The following BRMS1 variants were observed in gnomAD, a reference collection of about 807,000 sequenced individuals.
BRMS1 encodes the protein BRMS1 transcriptional repressor and anoikis regulator.
In BRMS1, 26 loss-of-function variants were observed where a neutral mutation model predicts 40.4. The observed-to-expected ratio is 0.64, with a 90% CI of 0.47 to 0.89. The LOEUF (loss-of-function observed/expected upper bound fraction) is 0.89, where lower values mean the gene tolerates loss of function less well. Ranked by LOEUF, BRMS1 falls within the 40% of genes least tolerant of loss-of-function variation. BRMS1 has a pLI of 0.00. For missense variants in BRMS1, 289 were observed against 309.4 expected, an observed-to-expected ratio of 0.93 and a Z score of 0.49; for synonymous variants, 103 against 116.0, an observed-to-expected ratio of 0.89 and a Z score of 0.72.
At chr11:66,343,849 C>G (rs1180576388) in intron 1 of BRMS1, among the ~76,000 whole-genome samples, 2 of 66,604 alleles carry the variant, frequency 3.0e-5, no homozygotes, top group African/African-American at 1.0e-4. Flanking sequence ...AGGCAAAACC[C>G]GAAGTGGTGG....
Position 66,340,155 on chromosome 11 carries a change from C to T in BRMS1, c.594G>A (p.Pro198=), listed in dbSNP as rs754919650. ...GAGGTGCCTTCTTCCTCTTGCTGGG[C>T]GGCAGGGAGTCCCAAGACCTGGAGC... ...RGSSRSWDSL[P]PSKRKKAPLV... is the part of the protein sequence containing the mutation. The change falls in exon 7 of 10, where the codon CCG becomes CCA. Residue 198 remains proline, a synonymous_variant. Coordinates refer to ENST00000359957, the MANE Select transcript of BRMS1 (RefSeq NM_015399.4). The T allele has an allele frequency of 6.2e-6, 10 of 1,613,574 alleles. No homozygotes were observed. Among genetic ancestry groups the T allele is most frequent in the African/African-American group, 4.0e-5 (3 of 74,786 alleles).
chr11:66,341,410 C>A lies in BRMS1; in HGVS notation c.231-77G>T. ...GGCAAACACATACCCAGCACCCATT[C>A]CACAGCAAGCCCGGTGTTAGGCGCG... On this transcript the variant is annotated intron_variant, in intron 3 of 9. Coordinates refer to ENST00000359957, the MANE Select transcript of BRMS1 (RefSeq NM_015399.4). The surrounding 1 kb of genome is among the most constrained non-coding windows in gnomAD (Gnocchi z 4.9). 1 of 1,602,998 alleles carries A rather than the reference C, an allele frequency of 6.2e-7. No individual in the cohort carries two copies. The highest frequency in any genetic ancestry group is 1.3e-5 in the African/African-American group (1 of 74,848).
Position 66,341,869 on chromosome 11 carries a change from G to T in BRMS1, c.139+227C>A. The T allele has an allele frequency of 1.5e-6, 1 of 661,380 alleles. No homozygotes were observed. Among genetic ancestry groups the T allele is most frequent in the Non-Finnish European group, 2.7e-6 (1 of 374,170 alleles). 41.0% of individuals were successfully genotyped at this position (661,380 alleles called of 1,614,324 possible). A position where few individuals can be genotyped will look rare whatever the true frequency, so the allele number is the denominator to read the frequency against. On this transcript the variant is annotated intron_variant, in intron 2 of 9. Transcript: ENST00000359957. The surrounding 1 kb of genome is among the most constrained non-coding windows in gnomAD (Gnocchi z 4.9). ...TGTGCACGTGTACTTGTGTGAAGGG[G>T]CTGTGTGTGTGCATACGTGCTTGTG...
intron 1 of BRMS1, among the ~76,000 whole-genome samples, chr11:66,343,274 C>T (rs1192517127): frequency 6.6e-6 from 1 of 152,226 alleles, no homozygotes; most frequent in Non-Finnish European, 1.5e-5. Context: ...CAATATTTTT[C>T]AGTGCTTATT....
At position 66,344,813 on chromosome 11, in the gene BRMS1, A is replaced by T. The variant is rs1855166600; in HGVS notation, c.-8+159T>A. 1.3e-5 allele frequency: 2 copies of T among 152,294 alleles called. 1 individual carries two copies. The highest frequency in any genetic ancestry group is 1.3e-4 in the Admixed American group (2 of 15,288). The allele number at this position is 152,294 out of a possible 1,614,324, so 9.4% of individuals were successfully genotyped here. Reference sequence around the variant, plus strand: ...CCCAGGGGGCCTCCCGCTCCCTTCTAGATGCGCCGGAGCGGGCCGGAATAT... The same window carrying T: ...CCCAGGGGGCCTCCCGCTCCCTTCTTGATGCGCCGGAGCGGGCCGGAATAT... On this transcript the variant is annotated intron_variant, in intron 1 of 9. Transcript: ENST00000359957.
intron 8 of BRMS1, 199 bp from the exon 9 acceptor site, chr11:66,338,481 C>A: frequency 6.6e-7 from 1 of 1,520,374 alleles, no homozygotes; most frequent in Non-Finnish European, 8.8e-7. Flanking sequence ...TCCCCGCCAC[C>A]CTCCCACCCC....
At chr11:66,338,815 AG>A in intron 7 of BRMS1, 30 bp from the exon 8 acceptor site, 2 of 1,517,692 alleles carry the variant, frequency 1.3e-6, no homozygotes, top group Non-Finnish European at 1.8e-6. Flanking sequence ...AGCCTAGTGG[AG>A]GTGGCAGGTG....
intron 1 of BRMS1, among the ~76,000 whole-genome samples, chr11:66,344,085 A>C (rs750049770): frequency 3.9e-5 from 6 of 152,144 alleles, no homozygotes; most frequent in Non-Finnish European, 8.8e-5. Flanking sequence ...AGCTTTGTTT[A>C]TATCTATTTG....
At chr11:66,344,866 G>C (rs141801787) in intron 1 of BRMS1, 106 bp downstream of exon 1, 1 of 152,246 alleles carries the variant, frequency 6.6e-6, no homozygotes, top group Non-Finnish European at 1.5e-5. Flanking sequence ...CCCAGCACGC[G>C]TCAGGCCGGT....
At position 66,338,720 on chromosome 11, in the gene BRMS1, C is replaced by A. The variant is rs1418432806; in HGVS notation, c.693+1G>T. The A allele has an allele frequency of 6.2e-7, 1 of 1,609,064 alleles. No individual in the cohort carries two copies. The highest frequency in any genetic ancestry group is 1.1e-5 in the South Asian group (1 of 90,854). On this transcript the variant is annotated splice_donor_variant, in intron 8 of 9. Transcript: ENST00000359957. LOFTEE classifies it high-confidence loss of function. Reference sequence around the variant, plus strand: ...GTCACGTGGGCAGCAGCGGCCCCCACCTTTTTGATGGCTGTCCAGTCCTCC... The same window carrying A: ...GTCACGTGGGCAGCAGCGGCCCCCAACTTTTTGATGGCTGTCCAGTCCTCC...
chr11:66,341,194 C>T lies in BRMS1; in HGVS notation c.358+12G>A. On this transcript the variant is annotated intron_variant, in intron 4 of 9. Coordinates refer to ENST00000359957, the MANE Select transcript of BRMS1 (RefSeq NM_015399.4). This position sits in a 1 kb window ranked among gnomAD's most constrained non-coding sequence, Gnocchi z 4.9. ...TCTGGGAGGGGAAGAGGGTACAGAA[C>T]CACCCACAGACCTGCCACCTGAATG... is the stretch of plus-strand genomic sequence containing the variant. 1 of 1,611,922 alleles carries T rather than the reference C, an allele frequency of 6.2e-7. No homozygotes were observed. The highest frequency in any genetic ancestry group is 8.5e-7 in the Non-Finnish European group (1 of 1,178,368).
intron 1 of BRMS1, among the ~76,000 whole-genome samples, 166 bp from the exon 2 acceptor site, chr11:66,342,407 T>C (rs1855109482): frequency 6.6e-6 from 1 of 152,100 alleles, no homozygotes; most frequent in African/African-American, 2.4e-5. Context: ...CAAATGGCCA[T>C]CTGCACCTCT....
chr11:66,343,195 T>C (rs10750784), intron 1 of BRMS1, among the ~76,000 whole-genome samples: 53,801 of 152,124 alleles, frequency 0.35, 10,184 homozygotes, highest in African/African-American at 0.48. Context: ...CTCCCACTTG[T>C]TCGATGTCCT....
Position 66,341,811 on chromosome 11 carries a change from T to C in BRMS1, c.140-188A>G. ...TGTGCTTGTGTGTAGGGGCTGTGTG[T>C]GCATATGCGTGCGTGCTTGTGTGAA... On this transcript the variant is annotated intron_variant, in intron 2 of 9. Transcript: ENST00000359957. The surrounding 1 kb of genome is among the most constrained non-coding windows in gnomAD (Gnocchi z 4.9). 2.9e-6 allele frequency: 2 copies of C among 680,118 alleles called. No homozygotes were observed. Among genetic ancestry groups the C allele is most frequent in the Admixed American group, 2.1e-5 (1 of 47,332 alleles). 42.1% of individuals were successfully genotyped at this position (680,118 alleles called of 1,614,324 possible).
rs1855057864 is a variant in BRMS1 at position 66,341,120 on chromosome 11, G to C, written c.359-74C>G. Reference sequence around the variant, plus strand: ...CCACATAGGAGGGCTGAGAGCAAAGGGCAAGGCCGGGCAGGAACGAGAGAG... The same window carrying C: ...CCACATAGGAGGGCTGAGAGCAAAGCGCAAGGCCGGGCAGGAACGAGAGAG... On this transcript the variant is annotated intron_variant, in intron 4 of 9. Coordinates refer to ENST00000359957, the MANE Select transcript of BRMS1 (RefSeq NM_015399.4). The surrounding 1 kb of genome is among the most constrained non-coding windows in gnomAD (Gnocchi z 4.9). 2 of 1,611,994 alleles carry C rather than the reference G, an allele frequency of 1.2e-6. No individual in the cohort carries two copies. Among genetic ancestry groups the C allele is most frequent in the Admixed American group, 3.3e-5 (2 of 59,976 alleles).
chr11:66,341,151 G>A lies in BRMS1; in HGVS notation c.358+55C>T. ...GCCGGGCAGGAACGAGAGAGGAAGG[G>A]GACAGGGTGCCACGGGTTCTGGGAG... On this transcript the variant is annotated intron_variant, in intron 4 of 9. Coordinates refer to ENST00000359957, the MANE Select transcript of BRMS1 (RefSeq NM_015399.4). This position sits in a 1 kb window ranked among gnomAD's most constrained non-coding sequence, Gnocchi z 4.9. 6 of 1,611,752 alleles carry A rather than the reference G, an allele frequency of 3.7e-6. No individual in the cohort carries two copies. Among genetic ancestry groups the A allele is most frequent in the Non-Finnish European group, 5.1e-6 (6 of 1,178,472 alleles).
chr11:66,342,336 G>T (rs1465207716), intron 1 of BRMS1, 95 bp from the exon 2 acceptor site: 17 of 1,507,180 alleles, frequency 1.1e-5, no homozygotes, highest in Non-Finnish European at 1.5e-5. Context: ...TCCCAGATGG[G>T]GAAAGCCAGG....
intron 1 of BRMS1, among the ~76,000 whole-genome samples, chr11:66,343,226 C>T (rs757312861): frequency 2.6e-5 from 4 of 152,246 alleles, no homozygotes; most frequent in Admixed American, 6.5e-5. Context: ...TGAAACTGAT[C>T]CCGTAGCATT....
Position 66,340,217 on chromosome 11 carries a change from C to G in BRMS1, c.536-4G>C. The G allele has an allele frequency of 6.2e-7, 1 of 1,612,812 alleles. No homozygotes were observed. The highest frequency in any genetic ancestry group is 8.5e-7 in the Non-Finnish European group (1 of 1,179,300). On this transcript the variant is annotated splice_region_variant and splice_polypyrimidine_tract_variant and intron_variant, in intron 6 of 9. Transcript: ENST00000359957. ...TGCAGTTTGTCATCCCACCATTCTG[C>G]CCCGAGACCCAGAGTTAGAATTGGG...
Sources: gnomAD v4.1 joint callset for allele counts (sites outside exome capture counted in the v4.1 genomes callset) on GRCh38, gnomAD v4.1.1 for gene constraint, Gnocchi (gnomAD v3.1) non-coding constraint, MANE v1.5 for transcripts, NCBI Gene and HGNC (gene_info 2026-07-23, HGNC 2026-07-21) for gene names.